ABCC3: variants seen among roughly 807,000 people sequenced by gnomAD.
The protein encoded by ABCC3 is ATP binding cassette subfamily C member 3.
Under a neutral mutation model 165.3 loss-of-function variants are expected in ABCC3, and 121 were observed. That is an observed-to-expected ratio of 0.73 (90% CI 0.63 to 0.85). ABCC3 has a LOEUF of 0.85. ABCC3 is among the 40% of genes least tolerant of loss of function. The pLI, the probability that ABCC3 is intolerant of heterozygous loss-of-function variation, is 0.00. For synonymous variants in ABCC3, 733 were observed against 810.1 expected (o/e 0.90, Z 1.62); for missense variants, 1,869 against 1,964.1 (o/e 0.95, Z 0.92).
At chr17:50,673,959 T>TCCTTCCTTCCTTCCTTCCTTC (rs1491584071) in intron 19 of ABCC3, among the ~76,000 whole-genome samples, 1 of 18,000 alleles carries the variant, frequency 5.6e-5, no homozygotes, top group African/African-American at 2.4e-4. Context: ...TTTCTTTCTT[T>TCCTTCCTTCCTTCCTTCCTTC]CTTTCTTTCT....
intron 1 of ABCC3, among the ~76,000 whole-genome samples, chr17:50,649,626 T>C (rs952593438): frequency 1.4e-4 from 7 of 50,174 alleles, no homozygotes; most frequent in Non-Finnish European, 1.9e-4. Context: ...AGATGAGGGG[T>C]GGGGAGGGGA....
intron 1 of ABCC3, among the ~76,000 whole-genome samples, chr17:50,652,878 A>T (rs1032349815): frequency 1.3e-5 from 2 of 152,190 alleles, no homozygotes; most frequent in Admixed American, 1.3e-4. Context: ...AGAACACAAA[A>T]CACAAATTCC....
At position 50,663,837 on chromosome 17, in the gene ABCC3, C is replaced by G. The variant is rs1406547841; in HGVS notation, c.1155C>G (p.Ile385Met). Residue 385 changes from isoleucine (I) to methionine (M), a missense_variant, in exon 9 of 31, where the codon ATC becomes ATG. Ile to Met is a conservative substitution (Grantham distance 10, BLOSUM62 1). Coordinates refer to ENST00000285238, the MANE Select transcript of ABCC3 (RefSeq NM_003786.4). Reference protein sequence around the residue: ...FVTGVKFRTGIMGVIYRKALV... With the variant: ...FVTGVKFRTGMMGVIYRKALV... ...CTGGGGTGAAGTTTCGTACTGGGAT[C>G]ATGGGTGTCATCTACAGGAAGGTCA... The G allele has an allele frequency of 2.5e-6, 4 of 1,614,176 alleles. No individual in the cohort carries two copies. The highest frequency in any genetic ancestry group is 3.4e-6 in the Non-Finnish European group (4 of 1,180,028).
Position 50,683,943 on chromosome 17 carries a change from G to A in ABCC3, c.3955-6G>A, listed in dbSNP as rs376910873. 122 of 1,612,002 alleles carry A rather than the reference G, an allele frequency of 7.6e-5. 1 individual carries two copies. The African/African-American group carries it at 1.3e-3, about 17-fold the overall frequency. ...CCCCTCAGAGCCCCTTCCCTTCTCCGCCCAGGTGGGGATCGTGGGCCGCAC... is the reference window on the plus strand; with the variant it reads ...CCCCTCAGAGCCCCTTCCCTTCTCCACCCAGGTGGGGATCGTGGGCCGCAC... On this transcript the variant is annotated splice_polypyrimidine_tract_variant and splice_region_variant and intron_variant, in intron 27 of 30. Transcript: ENST00000285238.
At chr17:50,684,931 C>A in intron 29 of ABCC3, 56 bp downstream of exon 29, 3 of 1,579,266 alleles carry the variant, frequency 1.9e-6, no homozygotes, top group Admixed American at 1.7e-5. Context: ...GAAACCCTGG[C>A]GGGTGCTGGG....
chr17:50,686,722 T>C (rs1968028951), intron 29 of ABCC3, among the ~76,000 whole-genome samples: 1 of 152,186 alleles, frequency 6.6e-6, no homozygotes, highest in Non-Finnish European at 1.5e-5. Context: ...AAGTATAACC[T>C]GTGTCCTGTG....
intron 29 of ABCC3, among the ~76,000 whole-genome samples, chr17:50,685,642 A>G (rs1321061663): frequency 6.6e-6 from 1 of 152,236 alleles, no homozygotes; most frequent in African/African-American, 2.4e-5. Flanking sequence ...AATCCAGTGT[A>G]TATTTCACAT....
intron 1 of ABCC3, among the ~76,000 whole-genome samples, chr17:50,642,390 G>T (rs1966909628): frequency 6.6e-6 from 1 of 152,230 alleles, no homozygotes; most frequent in Non-Finnish European, 1.5e-5. Context: ...AGGAGCCCAG[G>T]CTGAATGCCC....
Position 50,691,756 on chromosome 17 carries a change from TGGA to T in ABCC3, c.*562_*564del, listed in dbSNP as rs2146652312. On this transcript the variant is annotated 3_prime_UTR_variant, in exon 31 of 31. Transcript: ENST00000285238. The stretch of plus-strand genomic sequence containing the variant: ...CACAAGGTTTGGGGATTAGGATCTT[TGGA>T]GGAGGCCAAGAGGAAGACTTTCTAC... 1 of 152,748 alleles carries T rather than the reference TGGA, an allele frequency of 6.5e-6. No individual in the cohort carries two copies. The highest frequency in any genetic ancestry group is 2.1e-4 in the South Asian group (1 of 4,840). 9.5% of individuals were successfully genotyped at this position (152,748 alleles called of 1,614,324 possible).
intron 1 of ABCC3, among the ~76,000 whole-genome samples, chr17:50,644,310 C>CAAAAAAAA (rs57937379): frequency 3.9e-5 from 2 of 51,260 alleles, no homozygotes; most frequent in African/African-American, 1.5e-4. Flanking sequence ...GACTCCGTCT[C>CAAAAAAAA]AAAAAAAAAA....
chr17:50,685,064 C>T (rs1968000006), intron 29 of ABCC3, among the ~76,000 whole-genome samples, 189 bp downstream of exon 29: 1 of 152,186 alleles, frequency 6.6e-6, no homozygotes, highest in Non-Finnish European at 1.5e-5. Context: ...TCACACAAGC[C>T]CCAGCGGTGG....
chr17:50,660,995 GC>G lies in ABCC3; in HGVS notation c.883del (p.Arg295GlyfsTer6), dbSNP rs1432911036. ...DEVLLGARPR[P>X]RKPSFLKALL... The stretch of plus-strand genomic sequence containing the variant: ...AGGTGCTGCTGGGTGCCCGGCCCAG[GC>G]CCCGGAAGCCCTCCTTCCTGAAGGC... On this transcript the variant is annotated frameshift_variant, in exon 8 of 31. Coordinates refer to ENST00000285238, the MANE Select transcript of ABCC3 (RefSeq NM_003786.4). LOFTEE classifies it high-confidence loss of function. 4 of 1,613,902 alleles carry G rather than the reference GC, an allele frequency of 2.5e-6. No individual in the cohort carries two copies. Among genetic ancestry groups the G allele is most frequent in the Non-Finnish European group, 3.4e-6 (4 of 1,179,960 alleles).
intron 3 of ABCC3, 71 bp from the exon 4 acceptor site, chr17:50,656,975 G>A: frequency 1.9e-5 from 30 of 1,568,344 alleles, no homozygotes; most frequent in Non-Finnish European, 2.5e-5. Context: ...CTGGCCATGT[G>A]GGATGGGGAG....
chr17:50,676,741 AT>A (rs1567836931), intron 23 of ABCC3, among the ~76,000 whole-genome samples, 153 bp downstream of exon 23: 1 of 152,244 alleles, frequency 6.6e-6, no homozygotes, highest in African/African-American at 2.4e-5. Flanking sequence ...TAGGGGAGCC[AT>A]TACTTAACCT....
At chr17:50,635,100 G>T (rs1305746807) in intron 1 of ABCC3, 119 bp downstream of exon 1, 42 of 1,122,342 alleles carry the variant, frequency 3.7e-5, no homozygotes, top group Non-Finnish European at 4.7e-5. Context: ...CCCCTGAGAC[G>T]GCCTGGGCGC....
chr17:50,641,097 G>T (rs998133433), intron 1 of ABCC3, among the ~76,000 whole-genome samples: 5 of 152,204 alleles, frequency 3.3e-5, no homozygotes, highest in Non-Finnish European at 7.4e-5. Context: ...GGGCTCCGGG[G>T]TCCTCACCCC....
At chr17:50,668,787 G>T in intron 14 of ABCC3, 66 bp from the exon 15 acceptor site, 1 of 1,363,180 alleles carries the variant, frequency 7.3e-7, no homozygotes, top group Non-Finnish European at 1.0e-6. Flanking sequence ...CTGCCCCCCA[G>T]CCTCCCTGCA....
rs2146583703 is a variant in ABCC3, at chr17:50,638,256, G to A, written c.45+3275G>A. Among the ~76,000 whole-genome samples, 4 of 152,280 alleles carry A rather than the reference G, an allele frequency of 2.6e-5. No homozygotes were observed. In the Middle Eastern group the frequency reaches 0.014, roughly 518 times the overall value. On this transcript the variant is annotated intron_variant, in intron 1 of 30. Coordinates refer to ENST00000285238, the MANE Select transcript of ABCC3 (RefSeq NM_003786.4). ...GGTTGGGAGCACCTGGGTGGTGAAGGGAGTATGTGGAGGAAGGGCCTGGAG... is the reference window on the plus strand; with the variant it reads ...GGTTGGGAGCACCTGGGTGGTGAAGAGAGTATGTGGAGGAAGGGCCTGGAG...
intron 28 of ABCC3, among the ~76,000 whole-genome samples, chr17:50,684,364 C>G (rs899293876): frequency 6.6e-6 from 1 of 152,144 alleles, no homozygotes; most frequent in Non-Finnish European, 1.5e-5. Flanking sequence ...TCCAAGAACC[C>G]CTTCCCCCGA....
Sources: allele counts gnomAD v4.1 joint callset (sites outside exome capture counted in the v4.1 genomes callset), GRCh38; gene constraint gnomAD v4.1.1; transcripts MANE v1.5; gene names NCBI Gene and HGNC (gene_info 2026-07-23, HGNC 2026-07-21).